The following CTNNA3 variants were observed in gnomAD, a reference collection of about 807,000 sequenced individuals.
CTNNA3 encodes the protein catenin alpha 3.
CTNNA3 carries 76 observed loss-of-function variants against 95.7 expected under a neutral mutation model. The ratio of observed to expected loss-of-function variants is 0.79; its 90% CI spans 0.66 to 0.96. The LOEUF is 0.96. CTNNA3 is among the 40% of genes least tolerant of loss of function. The pLI, the probability that CTNNA3 is intolerant of heterozygous loss-of-function variation, is 0.00. For missense variants in CTNNA3, 1,191 were observed against 1,089.8 expected, an observed-to-expected ratio of 1.09 and a Z score of -1.31; for synonymous variants, 431 against 374.4, an observed-to-expected ratio of 1.15 and a Z score of -1.74.
At chr10:66,422,803 T>TA (rs1211616992) in intron 11 of CTNNA3, among the ~76,000 whole-genome samples, 1 of 152,120 alleles carries the variant, frequency 6.6e-6, no homozygotes, top group Non-Finnish European at 1.5e-5. Context: ...TTAATTTTTG[T>TA]ATTTTTAGTA....
chr10:67,346,846 C>T (rs962632703), intron 5 of CTNNA3: 15 of 313,176 alleles, frequency 4.8e-5, no homozygotes, highest in Non-Finnish European at 1.0e-4. Flanking sequence ...GATATCAATG[C>T]CACATCATTG....
At chr10:67,626,751 AT>A (rs1313690498) in intron 2 of CTNNA3, among the ~76,000 whole-genome samples, 2 of 151,704 alleles carry the variant, frequency 1.3e-5, no homozygotes, top group African/African-American at 4.9e-5. Context: ...GTATACATAC[AT>A]GTATACGTGT....
At chr10:67,269,261 T>C (rs1436294889) in intron 5 of CTNNA3, among the ~76,000 whole-genome samples, 1 of 152,176 alleles carries the variant, frequency 6.6e-6, no homozygotes, top group Non-Finnish European at 1.5e-5. Flanking sequence ...TCTAGATTTA[T>C]TGTTTAAAAA....
intron 2 of CTNNA3, among the ~76,000 whole-genome samples, chr10:67,615,713 A>AGT (rs1843632263): frequency 7.2e-6 from 1 of 138,422 alleles, no homozygotes; most frequent in Non-Finnish European, 1.5e-5. Flanking sequence ...CCCAGGCTAG[A>AGT]GTGCAGTGGT....
intron 10 of CTNNA3, among the ~76,000 whole-genome samples, chr10:66,587,434 G>A (rs1843397046): frequency 6.6e-6 from 1 of 152,068 alleles, no homozygotes; most frequent in Non-Finnish European, 1.5e-5. Flanking sequence ...TAGGTAATGG[G>A]TAGGGCCATG....
At chr10:66,728,584 C>T (rs753303422) in intron 9 of CTNNA3, among the ~76,000 whole-genome samples, 1 of 151,850 alleles carries the variant, frequency 6.6e-6, no homozygotes, top group Non-Finnish European at 1.5e-5. Context: ...TCATTTAAGT[C>T]CTTTTTTATT....
chr10:67,676,646 C>T (rs1240907511), intron 1 of CTNNA3, among the ~76,000 whole-genome samples: 1 of 152,126 alleles, frequency 6.6e-6, no homozygotes. Context: ...GATGCTGGTG[C>T]TCTGTTCCTG....
chr10:67,109,953 G>C (rs1454538103), intron 7 of CTNNA3, among the ~76,000 whole-genome samples: 1 of 152,198 alleles, frequency 6.6e-6, no homozygotes, highest in Non-Finnish European at 1.5e-5. Flanking sequence ...TGAATGCTGA[G>C]GGAATTGTGC....
At chr10:66,520,556 A>C in intron 11 of CTNNA3, 61 bp downstream of exon 11, 1 of 1,481,010 alleles carries the variant, frequency 6.8e-7, no homozygotes, top group Non-Finnish European at 9.2e-7. Flanking sequence ...CTGTCCCAGT[A>C]TTATTCTATT....
At chr10:66,595,160 G>A (rs370714533) in intron 10 of CTNNA3, among the ~76,000 whole-genome samples, 9 of 151,780 alleles carry the variant, frequency 5.9e-5, no homozygotes, top group African/African-American at 7.3e-5. Flanking sequence ...ACAGTGGAAC[G>A]ACAACAACAA....
chr10:67,355,239 C>T (rs970543208), intron 5 of CTNNA3, among the ~76,000 whole-genome samples: 11 of 151,884 alleles, frequency 7.2e-5, no homozygotes, highest in African/African-American at 2.7e-4. Flanking sequence ...ATTACACTGA[C>T]CCCATTCCCT....
intron 5 of CTNNA3, among the ~76,000 whole-genome samples, chr10:67,483,620 AG>A (rs1185386022): frequency 6.6e-6 from 1 of 150,806 alleles, no homozygotes; most frequent in Non-Finnish European, 1.5e-5. Context: ...GGGTGGCGGG[AG>A]GGGGGAGGAA....
chr10:67,299,549 T>C (rs550921775), intron 5 of CTNNA3, among the ~76,000 whole-genome samples: 18 of 152,306 alleles, frequency 1.2e-4, no homozygotes, highest in Non-Finnish European at 2.2e-4. Flanking sequence ...GGTAGAAGGC[T>C]GTAGGATTCT....
intron 9 of CTNNA3, among the ~76,000 whole-genome samples, chr10:66,757,881 C>A (rs984551387): frequency 6.6e-6 from 1 of 152,104 alleles, no homozygotes; most frequent in Admixed American, 6.6e-5. Context: ...TAATTTCTCT[C>A]AGCTAGGGTT....
At chr10:66,291,584 G>T (rs968451206) in intron 12 of CTNNA3, among the ~76,000 whole-genome samples, 1 of 151,918 alleles carries the variant, frequency 6.6e-6, no homozygotes, top group Non-Finnish European at 1.5e-5. Context: ...TGCAGTTCTC[G>T]GTCAGTTAGA....
intron 15 of CTNNA3, among the ~76,000 whole-genome samples, chr10:66,001,848 T>C (rs2078776002): frequency 6.6e-6 from 1 of 152,190 alleles, no homozygotes; most frequent in Admixed American, 6.5e-5. Flanking sequence ...ATTGAGTTCC[T>C]TCTTACACCT....
chr10:66,476,680 A>G (rs1263746675), intron 11 of CTNNA3, among the ~76,000 whole-genome samples: 1 of 152,056 alleles, frequency 6.6e-6, no homozygotes, highest in African/African-American at 2.4e-5. Context: ...TCATTTTATA[A>G]TTCACAATGT....
intron 7 of CTNNA3, among the ~76,000 whole-genome samples, chr10:66,940,816 G>T (rs953046832): frequency 1.3e-5 from 2 of 152,036 alleles, no homozygotes; most frequent in Admixed American, 1.3e-4. Context: ...TCTTCAGTTT[G>T]TATTTCAACT....
At chr10:67,348,122 C>A (rs1842502281) in intron 5 of CTNNA3, among the ~76,000 whole-genome samples, 1 of 152,108 alleles carries the variant, frequency 6.6e-6, no homozygotes, top group African/African-American at 2.4e-5. Context: ...TGAAATTGAA[C>A]CCTTACACCA....
Sources: gnomAD v4.1 joint callset for allele counts (sites outside exome capture counted in the v4.1 genomes callset) on GRCh38, gnomAD v4.1.1 for gene constraint, MANE v1.5 for transcripts, NCBI Gene and HGNC (gene_info 2026-07-23, HGNC 2026-07-21) for gene names.